The following STX17 variants were observed in gnomAD, a reference collection of about 807,000 sequenced individuals.
STX17 encodes syntaxin 17, also known as syntaxin-17.
A neutral mutation model predicts 35.9 loss-of-function variants in STX17; 29 were observed. That is an observed-to-expected ratio of 0.81 (90% confidence interval 0.60 to 1.10). The LOEUF is 1.10. STX17 is among the 50% of genes least tolerant of loss of function. The probability of loss-of-function intolerance (pLI) is 0.00; values close to 1 mark genes in which losing one functional copy is unlikely to be tolerated. For synonymous variants in STX17, 92 were observed against 118.3 expected (o/e 0.78, Z 1.44); for missense variants, 312 against 352.3 (o/e 0.89, Z 0.92).
chr9:99,956,754 A>G (rs1375670824), intron 4 of STX17, among the ~76,000 whole-genome samples: 1 of 152,232 alleles, frequency 6.6e-6, no homozygotes, highest in African/African-American at 2.4e-5. Context: ...TAAATCTACA[A>G]ATTACTTTTT....
intron 2 of STX17, among the ~76,000 whole-genome samples, chr9:99,924,122 A>G (rs1369176914): frequency 6.6e-6 from 1 of 152,234 alleles, no homozygotes; most frequent in Admixed American, 6.5e-5. Context: ...CTGTCTGTTC[A>G]GATTCTTATT....
Position 99,949,694 on chromosome 9 carries a change from CTT to C in STX17, c.190-1364_190-1363del, listed in dbSNP as rs1225703129. Among the ~76,000 whole-genome samples, 5 of 151,988 alleles carry C rather than the reference CTT, an allele frequency of 3.3e-5. No individual in the cohort carries two copies. The East Asian group carries it at 5.8e-4, about 18-fold the overall frequency. ...GATTTGCATTAATATTGTGAAAACA[CTT>C]TAGGGGAAAATAATTTAAAATATAT... On this transcript the variant is annotated intron_variant, in intron 3 of 7. Transcript: ENST00000259400.
At chr9:99,933,078 C>CT (rs1467371846) in intron 3 of STX17, among the ~76,000 whole-genome samples, 8 of 152,018 alleles carry the variant, frequency 5.3e-5, no homozygotes, top group African/African-American at 1.9e-4. Context: ...AAATATTTTG[C>CT]TTTTAACATT....
chr9:99,950,698 T>C (rs1350985594), intron 3 of STX17, among the ~76,000 whole-genome samples: 1 of 151,968 alleles, frequency 6.6e-6, no homozygotes, highest in Non-Finnish European at 1.5e-5. Flanking sequence ...AATGTGTGCA[T>C]GAGCCGTGAG....
intron 6 of STX17, among the ~76,000 whole-genome samples, chr9:99,965,563 G>A (rs1208972651): frequency 6.6e-6 from 1 of 152,134 alleles, no homozygotes; most frequent in Admixed American, 6.6e-5. Context: ...TGTTGGGGGT[G>A]TCCTAAATAG....
chr9:99,929,552 A>G (rs922624159), intron 3 of STX17, among the ~76,000 whole-genome samples: 3 of 151,862 alleles, frequency 2.0e-5, no homozygotes, highest in Admixed American at 6.6e-5. Context: ...AAATTTACCT[A>G]TATTACTAAA....
intron 3 of STX17, among the ~76,000 whole-genome samples, chr9:99,930,083 T>G (rs1359805667): frequency 6.7e-6 from 1 of 148,976 alleles, no homozygotes; most frequent in African/African-American, 2.5e-5. Context: ...TGACTAATTT[T>G]TGTATTTTTA....
At chr9:99,943,556 A>G (rs1383432325) in intron 3 of STX17, among the ~76,000 whole-genome samples, 1 of 152,106 alleles carries the variant, frequency 6.6e-6, no homozygotes, top group Non-Finnish European at 1.5e-5. Flanking sequence ...TGATCTGCCC[A>G]CCTTGGCCTC....
rs182092491 is a variant in STX17 at position 99,965,636 on chromosome 9, T to C, written c.583-2017T>C. On this transcript the variant is annotated intron_variant, in intron 6 of 7. Coordinates refer to ENST00000259400, the MANE Select transcript of STX17 (RefSeq NM_017919.3). ...ATATTATTAGTGCTGGAACTTTTTC[T>C]TCTATGGGTCAGAAAAAGAAAGCTG... Among the ~76,000 whole-genome samples, 815 of 152,314 alleles carry C rather than the reference T, an allele frequency of 5.4e-3. 12 individuals are homozygous for C. The highest frequency in any genetic ancestry group is 0.016 in the African/African-American group (655 of 41,568).
At chr9:99,915,583 A>G (rs141572556) in intron 2 of STX17, among the ~76,000 whole-genome samples, 2 of 152,146 alleles carry the variant, frequency 1.3e-5, no homozygotes, top group African/African-American at 4.8e-5. Flanking sequence ...AATAGAGTCT[A>G]TGCTTTTTTG....
At chr9:99,916,686 AATTTAGGATTAGT>A (rs1587911416) in intron 2 of STX17, among the ~76,000 whole-genome samples, 2 of 152,072 alleles carry the variant, frequency 1.3e-5, no homozygotes, top group Non-Finnish European at 2.9e-5. Context: ...GTCTTTCTAG[AATTTAGGATTAGT>A]ATTTTGTCAT....
chr9:99,961,057 G>A (rs1350140149), intron 6 of STX17, among the ~76,000 whole-genome samples: 1 of 152,164 alleles, frequency 6.6e-6, no homozygotes, highest in Non-Finnish European at 1.5e-5. Flanking sequence ...AGATTGACAA[G>A]TACTGCAGTA....
chr9:99,943,541 T>C (rs1203635661), intron 3 of STX17, among the ~76,000 whole-genome samples: 1 of 152,196 alleles, frequency 6.6e-6, no homozygotes, highest in African/African-American at 2.4e-5. Flanking sequence ...ACTCCTGACC[T>C]CAAATGATCT....
At chr9:99,930,304 G>C (rs1829092387) in intron 3 of STX17, among the ~76,000 whole-genome samples, 1 of 151,348 alleles carries the variant, frequency 6.6e-6, no homozygotes. Flanking sequence ...GTCGCCCTCT[G>C]TCGCCCAGGC....
At chr9:99,921,261 C>T (rs935911188) in intron 2 of STX17, among the ~76,000 whole-genome samples, 1 of 152,086 alleles carries the variant, frequency 6.6e-6, no homozygotes, top group Non-Finnish European at 1.5e-5. Flanking sequence ...ATTTTAGAAG[C>T]CACTCTATAC....
intron 2 of STX17, among the ~76,000 whole-genome samples, chr9:99,923,366 A>G (rs1769476507): frequency 6.6e-6 from 1 of 152,236 alleles, no homozygotes; most frequent in South Asian, 2.1e-4. Context: ...ATTATATGAA[A>G]AAAACCTGCA....
chr9:99,966,019 G>T (rs1301875560), intron 6 of STX17, among the ~76,000 whole-genome samples: 1 of 152,160 alleles, frequency 6.6e-6, no homozygotes, highest in Non-Finnish European at 1.5e-5. Context: ...CTGACTAAAG[G>T]TGGTGCCCTT....
chr9:99,921,777 G>C lies in STX17; in HGVS notation c.123+6415G>C, dbSNP rs148157339. ...CATAGATAAGCAGAGATATTTCTGT[G>C]ATCACATTTGCAAGGTCTTTTGGTT... On this transcript the variant is annotated intron_variant, in intron 2 of 7. Coordinates refer to ENST00000259400, the MANE Select transcript of STX17 (RefSeq NM_017919.3). Among the ~76,000 whole-genome samples the C allele has an allele frequency of 7.2e-3, 1,088 of 152,062 alleles. 15 individuals are homozygous for C. Among genetic ancestry groups the C allele is most frequent in the African/African-American group, 0.025 (1,041 of 41,460 alleles).
At chr9:99,956,494 T>G (rs1450363386) in intron 4 of STX17, among the ~76,000 whole-genome samples, 1 of 152,188 alleles carries the variant, frequency 6.6e-6, no homozygotes, top group East Asian at 1.9e-4. Flanking sequence ...CTGGAAATAT[T>G]AAGTAGAAGA....
Sources: gnomAD v4.1 joint callset for allele counts (sites outside exome capture counted in the v4.1 genomes callset) on GRCh38, gnomAD v4.1.1 for gene constraint, MANE v1.5 for transcripts, NCBI Gene and HGNC (gene_info 2026-07-23, HGNC 2026-07-21) for gene names.